NCKAP5: variants seen among roughly 807,000 people sequenced by gnomAD.
The protein encoded by NCKAP5 is NCK associated protein 5.
Under a neutral mutation model 167.0 loss-of-function variants are expected in NCKAP5, and 92 were observed. The observed-to-expected ratio is 0.55, with a 90% CI of 0.47 to 0.66. The LOEUF is 0.66. Among genes scored for constraint, NCKAP5 ranks in the 30% least tolerant of loss-of-function variants. The probability of loss-of-function intolerance (pLI) is 0.00; values close to 1 mark genes in which losing one functional copy is unlikely to be tolerated. For missense variants in NCKAP5, 2,378 were observed against 2,315.0 expected (o/e 1.03, Z -0.56); for synonymous variants, 891 against 877.4 (o/e 1.02, Z -0.27).
intron 4 of NCKAP5, among the ~76,000 whole-genome samples, chr2:133,271,903 A>T (rs747056358): frequency 6.6e-6 from 1 of 152,192 alleles, no homozygotes; most frequent in Non-Finnish European, 1.5e-5. Flanking sequence ...TCTAACACAC[A>T]TTTTGGAAAA....
At chr2:133,119,194 G>C (rs1178806942) in intron 6 of NCKAP5, 1 of 152,100 alleles carries the variant, frequency 6.6e-6, no homozygotes, top group African/African-American at 2.4e-5. Flanking sequence ...AGTAGAGATG[G>C]GGTTTCACCA....
chr2:132,895,772 T>C (rs1457705135), intron 8 of NCKAP5, among the ~76,000 whole-genome samples: 2 of 136,410 alleles, frequency 1.5e-5, no homozygotes, highest in South Asian at 2.3e-4. Flanking sequence ...AGTGGTTGAG[T>C]GGCTTTCTTC....
At chr2:133,475,167 A>C (rs1019525658) in intron 3 of NCKAP5, among the ~76,000 whole-genome samples, 7 of 152,338 alleles carry the variant, frequency 4.6e-5, no homozygotes, top group Non-Finnish European at 5.9e-5. Context: ...AATGGATTTC[A>C]ACAAATGTAA....
At chr2:133,469,590 A>T (rs1321793436) in intron 3 of NCKAP5, among the ~76,000 whole-genome samples, 1 of 151,974 alleles carries the variant, frequency 6.6e-6, no homozygotes, top group East Asian at 1.9e-4. Flanking sequence ...CTCCTGGATA[A>T]TATCCTGCAG....
At position 133,213,699 on chromosome 2, in the gene NCKAP5, C is replaced by CG; in HGVS notation, c.207+16dup. On this transcript the variant is annotated intron_variant, in intron 5 of 19. Transcript: ENST00000409261. ...CTCTGGATGTTGTGGAATGAGGGGA[C>CG]GGCAGTCAGGACTTACCATGGCCCC... 1.2e-6 allele frequency: 2 copies of CG among 1,612,924 alleles called. No homozygotes were observed. Among genetic ancestry groups the CG allele is most frequent in the Non-Finnish European group, 1.7e-6 (2 of 1,179,360 alleles).
the NCKAP5 span, among the ~76,000 whole-genome samples, chr2:133,654,698 G>A: frequency 3.9e-5 from 6 of 152,290 alleles, no homozygotes; most frequent in South Asian, 1.2e-3. Context: ...CCAGCCACGT[G>A]GTTGGTACTT....
intron 3 of NCKAP5, among the ~76,000 whole-genome samples, chr2:133,502,488 T>C (rs954346796): frequency 6.6e-6 from 1 of 152,222 alleles, no homozygotes; most frequent in Admixed American, 6.5e-5. Context: ...TAGATATGGA[T>C]ATAGAAATAT....
intron 3 of NCKAP5, among the ~76,000 whole-genome samples, chr2:133,443,135 C>T (rs1690960711): frequency 6.6e-6 from 1 of 152,190 alleles, no homozygotes; most frequent in South Asian, 2.1e-4. Flanking sequence ...TTTTCTCAAG[C>T]CCATTTCCTC....
At chr2:133,546,232 C>T (rs947305380) in intron 2 of NCKAP5, among the ~76,000 whole-genome samples, 7 of 152,116 alleles carry the variant, frequency 4.6e-5, no homozygotes, top group Non-Finnish European at 7.3e-5. Flanking sequence ...AGTGCCCCCA[C>T]TGAGGAGTAT....
intron 11 of NCKAP5, among the ~76,000 whole-genome samples, chr2:132,809,762 A>T (rs576580472): frequency 1.3e-5 from 2 of 152,210 alleles, no homozygotes; most frequent in South Asian, 4.1e-4. Flanking sequence ...ATTTACATTG[A>T]ATGTTAGTAT....
intron 8 of NCKAP5, among the ~76,000 whole-genome samples, chr2:132,908,962 ATAAGT>A (rs1265228211): frequency 3.3e-5 from 5 of 152,230 alleles, no homozygotes; most frequent in African/African-American, 2.4e-5. Context: ...GAACAGTGTC[ATAAGT>A]TAAGTAATCA....
rs34744009 is a variant in NCKAP5, at chr2:132,771,678, G to GTT, written c.5128+2136_5128+2137dup. On this transcript the variant is annotated intron_variant, in intron 16 of 19. Transcript: ENST00000409261. Reference sequence around the variant, plus strand: ...TTGTTGTTTATCTTTGATGCTAATTGTTTTTTTTTTTTGAGACAGAGTCTC... The same window carrying GTT: ...TTGTTGTTTATCTTTGATGCTAATTGTTTTTTTTTTTTTTGAGACAGAGTCTC... Among the ~76,000 whole-genome samples, 269 of 142,816 alleles carry GTT rather than the reference G, an allele frequency of 1.9e-3. 1 individual carries two copies. The highest frequency in any genetic ancestry group is 5.4e-3 in the African/African-American group (208 of 38,760). The allele number at this position is 142,816 out of a possible 152,430, so 93.7% of individuals were successfully genotyped here.
At chr2:133,454,289 GTATT>G (rs1176903901) in intron 3 of NCKAP5, among the ~76,000 whole-genome samples, 1 of 151,984 alleles carries the variant, frequency 6.6e-6, no homozygotes, top group Admixed American at 6.6e-5. Flanking sequence ...TTTGAAGTAA[GTATT>G]TGGTATAGAA....
At chr2:132,791,507 C>T (rs528222733) in intron 12 of NCKAP5, among the ~76,000 whole-genome samples, 1 of 152,308 alleles carries the variant, frequency 6.6e-6, no homozygotes, top group Admixed American at 6.5e-5. Context: ...ACAAACTGGA[C>T]AGGCTAAATT....
chr2:133,487,981 T>C (rs1253436571), intron 3 of NCKAP5, among the ~76,000 whole-genome samples: 1 of 152,146 alleles, frequency 6.6e-6, no homozygotes, highest in Non-Finnish European at 1.5e-5. Flanking sequence ...AGAACTGCAT[T>C]TTCACTTTAA....
At chr2:133,067,222 T>C (rs2149536806) in intron 6 of NCKAP5, among the ~76,000 whole-genome samples, 1 of 152,288 alleles carries the variant, frequency 6.6e-6, no homozygotes, top group South Asian at 2.1e-4. Context: ...AACATCATCA[T>C]ATTGTTATAA....
At chr2:133,345,763 G>A (rs373253820) in intron 3 of NCKAP5, among the ~76,000 whole-genome samples, 43 of 152,256 alleles carry the variant, frequency 2.8e-4, no homozygotes, top group African/African-American at 9.9e-4. Context: ...GGTTCAAGAT[G>A]TAATATGGGA....
chr2:133,388,970 C>T (rs1376725529), intron 3 of NCKAP5, among the ~76,000 whole-genome samples: 5 of 152,246 alleles, frequency 3.3e-5, no homozygotes, highest in African/African-American at 4.8e-5. Flanking sequence ...AATTCCCTGA[C>T]CCTTTGCGCT....
At chr2:133,236,880 T>A (rs1310516668) in intron 4 of NCKAP5, among the ~76,000 whole-genome samples, 1 of 152,096 alleles carries the variant, frequency 6.6e-6, no homozygotes, top group Non-Finnish European at 1.5e-5. Flanking sequence ...CAACTCAAAG[T>A]CCACATAAGA....
Sources: allele counts gnomAD v4.1 joint callset (sites outside exome capture counted in the v4.1 genomes callset), GRCh38; gene constraint gnomAD v4.1.1; transcripts MANE v1.5; gene names NCBI Gene and HGNC (gene_info 2026-07-23, HGNC 2026-07-21).